TTC28: variants seen among roughly 807,000 people sequenced by gnomAD.
The protein encoded by TTC28 is tetratricopeptide repeat protein 28.
Under a neutral mutation model 198.0 loss-of-function variants are expected in TTC28, and 61 were observed. The ratio of observed to expected loss-of-function variants is 0.31; its 90% CI spans 0.25 to 0.38. The LOEUF (loss-of-function observed/expected upper bound fraction) is 0.38. Ranked by LOEUF, TTC28 falls within the 10% of genes least tolerant of loss-of-function variation. TTC28 has a pLI of 1.00. For synonymous variants in TTC28, 1,171 were observed against 1,297.8 expected (o/e 0.90, Z 2.10); for missense variants, 2,678 against 3,164.0 (o/e 0.85, Z 3.69).
At chr22:28,599,996 T>G (rs773802884) in intron 2 of TTC28, among the ~76,000 whole-genome samples, 4 of 152,248 alleles carry the variant, frequency 2.6e-5, no homozygotes, top group Non-Finnish European at 4.4e-5. Context: ...AGGTTTACAA[T>G]GTGCTAGGCA....
intron 12 of TTC28, among the ~76,000 whole-genome samples, chr22:28,067,295 T>C (rs1396847843): frequency 6.6e-6 from 1 of 152,198 alleles, no homozygotes; most frequent in Non-Finnish European, 1.5e-5. Context: ...GCAGGAAACA[T>C]ATTGGCTTCA....
intron 14 of TTC28, chr22:28,007,568 A>T (rs906645760): frequency 6.6e-6 from 1 of 152,218 alleles, no homozygotes; most frequent in African/African-American, 2.4e-5. Flanking sequence ...GGACTGTTCA[A>T]GCTGCAGGAG....
chr22:28,577,203 A>C (rs1403429738), intron 2 of TTC28, among the ~76,000 whole-genome samples: 2 of 151,918 alleles, frequency 1.3e-5, no homozygotes, highest in African/African-American at 4.8e-5. Context: ...AAATTTTTTA[A>C]TTTCTTTCTT....
At chr22:28,278,073 T>C (rs16986246) in intron 5 of TTC28, among the ~76,000 whole-genome samples, 2,364 of 152,206 alleles carry the variant, frequency 0.016, 81 homozygotes, top group African/African-American at 0.055. Context: ...ATTTTGATTC[T>C]TTATGCTTAA....
At chr22:28,269,121 A>C (rs16986240) in intron 5 of TTC28, among the ~76,000 whole-genome samples, 2,541 of 152,102 alleles carry the variant, frequency 0.017, 91 homozygotes, top group African/African-American at 0.059. Context: ...CACTAATTTT[A>C]TTATACCTAG....
At chr22:28,061,798 T>C (rs182793230) in intron 12 of TTC28, among the ~76,000 whole-genome samples, 19 of 152,346 alleles carry the variant, frequency 1.2e-4, no homozygotes, top group Admixed American at 1.2e-3. Context: ...AATCTATAAA[T>C]TACCTTGGGC....
At chr22:28,639,397 G>A (rs555333070) in intron 1 of TTC28, among the ~76,000 whole-genome samples, 2 of 152,258 alleles carry the variant, frequency 1.3e-5, no homozygotes, top group East Asian at 1.9e-4. Flanking sequence ...CTATTCTTAC[G>A]CCTAGAGAGT....
At chr22:28,169,076 T>C (rs534009234) in intron 5 of TTC28, among the ~76,000 whole-genome samples, 1 of 152,188 alleles carries the variant, frequency 6.6e-6, no homozygotes, top group African/African-American at 2.4e-5. Context: ...GAAAAAATGC[T>C]CATCATTACT....
chr22:28,322,509 C>T (rs1328654703), intron 2 of TTC28, among the ~76,000 whole-genome samples: 1 of 152,088 alleles, frequency 6.6e-6, no homozygotes, highest in East Asian at 1.9e-4. Flanking sequence ...TTGTCACTCC[C>T]TTACCTCCTT....
chr22:28,110,868 G>A (rs1333150555), intron 6 of TTC28, among the ~76,000 whole-genome samples: 10 of 151,714 alleles, frequency 6.6e-5, no homozygotes, highest in Admixed American at 1.3e-4. Context: ...TCAGAAGTTC[G>A]AGGCTGCAGT....
At chr22:28,264,684 T>A (rs1303317139) in intron 5 of TTC28, among the ~76,000 whole-genome samples, 2 of 152,118 alleles carry the variant, frequency 1.3e-5, no homozygotes, top group Admixed American at 1.3e-4. Flanking sequence ...ACTGCCTTGG[T>A]TGTGGAGAAT....
At chr22:28,006,653 C>G (rs1005266538) in intron 14 of TTC28, 2 of 152,356 alleles carry the variant, frequency 1.3e-5, no homozygotes, top group African/African-American at 4.8e-5. Context: ...CACCTACTTA[C>G]TGAGCCACCA....
intron 16 of TTC28, 192 bp downstream of exon 16, chr22:27,998,348 A>G: frequency 1.1e-6 from 1 of 935,482 alleles, no homozygotes; most frequent in African/African-American, 1.7e-5. Context: ...CCTGGTCCAA[A>G]GATGATCTTA....
At chr22:28,521,325 T>G (rs1048627289) in intron 2 of TTC28, among the ~76,000 whole-genome samples, 5 of 152,024 alleles carry the variant, frequency 3.3e-5, no homozygotes, top group African/African-American at 1.2e-4. Context: ...GAGAATCACT[T>G]AAGCCCAGGA....
chr22:28,389,659 G>C (rs2046680562), intron 2 of TTC28, among the ~76,000 whole-genome samples: 1 of 150,982 alleles, frequency 6.6e-6, no homozygotes, highest in African/African-American at 2.4e-5. Context: ...TCTGATGGTA[G>C]TTTGTATTTC....
chr22:28,118,228 G>A (rs865952605), intron 6 of TTC28, among the ~76,000 whole-genome samples: 9 of 151,944 alleles, frequency 5.9e-5, no homozygotes, highest in African/African-American at 2.2e-4. Context: ...GTGAAACCCC[G>A]TCTCTACTAA....
intron 5 of TTC28, among the ~76,000 whole-genome samples, chr22:28,165,954 C>T (rs567521749): frequency 2.0e-5 from 3 of 152,018 alleles, no homozygotes; most frequent in Non-Finnish European, 4.4e-5. Flanking sequence ...CAGAGACACA[C>T]ATAGGCTCAA....
rs1937056356 is a variant in TTC28 at position 27,982,471 on chromosome 22, G to A, written c.7196C>T (p.Pro2399Leu). 1 of 1,551,604 alleles carries A rather than the reference G, an allele frequency of 6.4e-7. No individual in the cohort carries two copies. Among genetic ancestry groups the A allele is most frequent in the Non-Finnish European group, 8.7e-7 (1 of 1,146,994 alleles). ...RDVLSLLNLS[P>L]RHNKKEEGVD... is the part of the protein sequence containing the mutation. ...TCCCTCCTCCTTCTTATTGTGCCGT[G>A]GTGACAAATTCAACAGACTGAGGAC... Residue 2399 changes from proline to leucine, a missense_variant, in exon 23 of 23, where the codon CCA (proline) becomes CTA (leucine). Pro to Leu is a moderately conservative substitution (Grantham distance 98). Coordinates refer to ENST00000397906, the MANE Select transcript of TTC28 (RefSeq NM_001145418.2). The surrounding 1 kb of genome is among the most constrained non-coding windows in gnomAD (Gnocchi z 5.2).
chr22:28,395,043 C>A (rs1413356959), intron 2 of TTC28, among the ~76,000 whole-genome samples: 1 of 152,138 alleles, frequency 6.6e-6, no homozygotes, highest in Non-Finnish European at 1.5e-5. Flanking sequence ...ATACTTTTAT[C>A]TTTAATTTCA....
Sources: allele counts gnomAD v4.1 joint callset (sites outside exome capture counted in the v4.1 genomes callset), GRCh38; gene constraint gnomAD v4.1.1; non-coding constraint Gnocchi (gnomAD v3.1); transcripts MANE v1.5; gene names NCBI Gene and HGNC (gene_info 2026-07-23, HGNC 2026-07-21).